The following ATAD2B variants were observed in gnomAD, a reference collection of about 807,000 sequenced individuals.
The protein encoded by ATAD2B is ATPase family AAA domain-containing protein 2B.
ATAD2B carries 40 observed loss-of-function variants against 167.6 expected under a neutral mutation model. The ratio of observed to expected loss-of-function variants is 0.24; its 90% CI spans 0.19 to 0.31. The LOEUF (loss-of-function observed/expected upper bound fraction) is 0.31, where lower values mean the gene tolerates loss of function less well. ATAD2B is among the 10% of genes least tolerant of loss of function. The pLI is 1.00. For missense variants in ATAD2B, 1,242 were observed against 1,757.2 expected (o/e 0.71, Z 5.24); for synonymous variants, 579 against 596.5 (o/e 0.97, Z 0.43).
rs183975120 is a variant in ATAD2B, at chr2:23,793,193, T to C, written c.2641-4546A>G. On this transcript the variant is annotated intron_variant, in intron 19 of 27. Coordinates refer to ENST00000238789, the MANE Select transcript of ATAD2B (RefSeq NM_017552.4). The stretch of plus-strand genomic sequence containing the variant: ...CCTAGAGAGACAATGACAAGAAACA[T>C]TTAAGATAACAAAATGCTATATGTA... Among the ~76,000 whole-genome samples, 74 of 152,240 alleles carry C rather than the reference T, an allele frequency of 4.9e-4. 1 individual carries two copies. The highest frequency in any genetic ancestry group is 1.2e-3 in the Admixed American group (18 of 15,286).
At position 23,867,941 on chromosome 2, in the gene ATAD2B, A is replaced by G. The variant is rs1307161055; in HGVS notation, c.1082T>C (p.Leu361Ser). The G allele has an allele frequency of 6.3e-7, 1 of 1,595,348 alleles. No individual in the cohort carries two copies. The highest frequency in any genetic ancestry group is 1.4e-5 in the African/African-American group (1 of 73,910). ...KSMARARNRC[L>S]PMNFRAEDLA... The stretch of plus-strand genomic sequence containing the variant: ...GTCCTCTGCTCTGAAGTTCATAGGC[A>G]AACATCTGAAATTTATAAAAGTGCA... Residue 361 changes from leucine (L) to serine (S), a missense_variant, in exon 10 of 28, where the codon TTG becomes TCG. Coordinates refer to ENST00000238789, the MANE Select transcript of ATAD2B (RefSeq NM_017552.4).
At position 23,807,492 on chromosome 2, in the gene ATAD2B, G is replaced by C. The variant is rs550136607; in HGVS notation, c.2454+2824C>G. 7.9e-5 allele frequency among the ~76,000 whole-genome samples: 12 copies of C among 152,218 alleles called. No homozygotes were observed. The East Asian group carries it at 2.3e-3, about 29-fold the overall frequency. ...TAAGCTCCTGAGATCTCAAGGTAGA[G>C]ATTTTAGTTTCAGACAACCAAATTT... On this transcript the variant is annotated intron_variant, in intron 18 of 27. Coordinates refer to ENST00000238789, the MANE Select transcript of ATAD2B (RefSeq NM_017552.4).
chr2:23,783,569 T>C (rs189164618), intron 21 of ATAD2B, among the ~76,000 whole-genome samples: 1 of 152,204 alleles, frequency 6.6e-6, no homozygotes, highest in East Asian at 1.9e-4. Context: ...AAATTAAGTA[T>C]AGTTTTCCTA....
In ATAD2B at chr2:23,927,056, C is replaced by T; in HGVS notation, c.-286G>A. The T allele has an allele frequency of 2.4e-6, 1 of 425,114 alleles. No individual in the cohort carries two copies. Among genetic ancestry groups the T allele is most frequent in the Admixed American group, 4.5e-5 (1 of 22,410 alleles). 26.3% of individuals were successfully genotyped at this position (425,114 alleles called of 1,614,324 possible). ...GAGCCGAGCGGAGCCGCCATTTCTA[C>T]CCCTTTCTCTCCCGTTCTCGCTCTC... is the stretch of plus-strand genomic sequence containing the variant. On this transcript the variant is annotated 5_prime_UTR_variant, in exon 1 of 28. Transcript: ENST00000238789.
At chr2:23,898,464 C>T (rs1383370517) in intron 1 of ATAD2B, among the ~76,000 whole-genome samples, 1 of 152,102 alleles carries the variant, frequency 6.6e-6, no homozygotes, top group African/African-American at 2.4e-5. Flanking sequence ...CCATCTTTCC[C>T]GTCTTTCCAG....
chr2:23,875,973 G>T, intron 7 of ATAD2B, 69 bp from the exon 8 acceptor site: 1 of 1,165,730 alleles, frequency 8.6e-7, no homozygotes. Context: ...TAAAGGAGTA[G>T]AAATGACTTC....
At position 23,922,701 on chromosome 2, in the gene ATAD2B, C is replaced by CAAAAAAAAAAAAA. The variant is rs11386515; in HGVS notation, c.216+3841_216+3853dup. The stretch of plus-strand genomic sequence containing the variant: ...TGGGCATCAGAGTAAGACTCTGTCT[C>CAAAAAAAAAAAAA]AAAAAAAAAAAAAAAGGGTCCTAAC... On this transcript the variant is annotated intron_variant, in intron 1 of 27. Coordinates refer to ENST00000238789, the MANE Select transcript of ATAD2B (RefSeq NM_017552.4). Among the ~76,000 whole-genome samples, 69 of 126,448 alleles carry CAAAAAAAAAAAAA rather than the reference C, an allele frequency of 5.5e-4. 1 individual carries two copies. Among genetic ancestry groups the CAAAAAAAAAAAAA allele is most frequent in the African/African-American group, 1.8e-3 (57 of 31,238 alleles). The allele number at this position is 126,448 out of a possible 152,430, so 83.0% of individuals were successfully genotyped here.
At chr2:23,713,117 T>C in the ATAD2B span, among the ~76,000 whole-genome samples, 1 of 152,246 alleles carries the variant, frequency 6.6e-6, no homozygotes, top group African/African-American at 2.4e-5. Flanking sequence ...GTTTTTGCCA[T>C]TAGAAGTTTT....
chr2:23,703,785 G>C, the ATAD2B span: 2 of 1,537,430 alleles, frequency 1.3e-6, no homozygotes, highest in East Asian at 4.9e-5. Flanking sequence ...GCTTATGCCA[G>C]AGCTACCACC....
rs918884168 is a variant in ATAD2B, at chr2:23,872,878, G to GTGCC, written c.977+2947_977+2950dup. On this transcript the variant is annotated intron_variant, in intron 8 of 27. Coordinates refer to ENST00000238789, the MANE Select transcript of ATAD2B (RefSeq NM_017552.4). ...CAAACTCATAGCCAGCCATCTCACA[G>GTGCC]TGCCTGCCTGCCTGCCACTCTTCAT... is the stretch of plus-strand genomic sequence containing the variant. The GTGCC allele has an allele frequency of 4.9e-6, 4 of 821,724 alleles. No individual in the cohort carries two copies. The Admixed American group carries it at 5.1e-5, about 10-fold the overall frequency. The allele number at this position is 821,724 out of a possible 1,614,324, so 50.9% of individuals were successfully genotyped here.
chr2:23,885,504 T>A (rs1327868546), intron 5 of ATAD2B, among the ~76,000 whole-genome samples: 1 of 152,132 alleles, frequency 6.6e-6, no homozygotes, highest in African/African-American at 2.4e-5. Context: ...CACTTTAAGG[T>A]GACTCATCCA....
chr2:23,736,773 C>A, the ATAD2B span, among the ~76,000 whole-genome samples: 1 of 152,164 alleles, frequency 6.6e-6, no homozygotes, highest in Non-Finnish European at 1.5e-5. Flanking sequence ...TGCAAGGGGT[C>A]AGGGAATTCC....
chr2:23,779,546 T>C (rs1311375302), intron 22 of ATAD2B, among the ~76,000 whole-genome samples: 2 of 152,256 alleles, frequency 1.3e-5, no homozygotes, highest in East Asian at 1.9e-4. Flanking sequence ...TTAAAAGATA[T>C]ATATTCTTTG....
In ATAD2B at chr2:23,750,307, A is replaced by G. The variant is rs913989347; in HGVS notation, c.*1739T>C. On this transcript the variant is annotated 3_prime_UTR_variant, in exon 28 of 28. Transcript: ENST00000238789. ...TTCACAGACTAGGTACAAAGAAAAC[A>G]CGTGGCATTTAAAAAAAAATTAAGC... 6.6e-6 allele frequency: 1 copy of G among 152,098 alleles called. No homozygotes were observed. The allele number at this position is 152,098 out of a possible 1,614,324, so 9.4% of individuals were successfully genotyped here.
At chr2:23,760,129 GA>G (rs1676463274) in intron 24 of ATAD2B, among the ~76,000 whole-genome samples, 2 of 152,342 alleles carry the variant, frequency 1.3e-5, no homozygotes, top group South Asian at 4.1e-4. Context: ...GTTACTGCAG[GA>G]TAGACCTGGC....
chr2:23,695,982 C>T, the ATAD2B span: 2 of 1,551,520 alleles, frequency 1.3e-6, no homozygotes, highest in Non-Finnish European at 1.7e-6. This position sits in a 1 kb window ranked among gnomAD's most constrained non-coding sequence, Gnocchi z 7.6. Context: ...TGGTTGGGGG[C>T]CGTCAGATGG....
chr2:23,692,377 G>A, the ATAD2B span, among the ~76,000 whole-genome samples: 1 of 152,252 alleles, frequency 6.6e-6, no homozygotes, highest in Non-Finnish European at 1.5e-5. Flanking sequence ...GAGCTCCCGG[G>A]GGGGTCGCTG....
the ATAD2B span, chr2:23,706,357 A>ATT: frequency 7.4e-6 from 5 of 679,276 alleles, no homozygotes; most frequent in African/African-American, 9.5e-5. Context: ...GAAGGGCAGC[A>ATT]AGATCCCAGA....
chr2:23,794,918 T>C (rs574607567), intron 19 of ATAD2B, among the ~76,000 whole-genome samples: 56 of 152,286 alleles, frequency 3.7e-4, no homozygotes, highest in Middle Eastern at 3.4e-3. Flanking sequence ...GTGGGGACTA[T>C]TGAACTACAA....
Sources: gnomAD v4.1 joint callset for allele counts (sites outside exome capture counted in the v4.1 genomes callset) on GRCh38, gnomAD v4.1.1 for gene constraint, Gnocchi (gnomAD v3.1) non-coding constraint, MANE v1.5 for transcripts, NCBI Gene and HGNC (gene_info 2026-07-23, HGNC 2026-07-21) for gene names.